PARVA: variants seen among roughly 807,000 people sequenced by gnomAD.
PARVA encodes the protein parvin alpha.
In PARVA, 25 loss-of-function variants were observed where a neutral mutation model predicts 52.6. That is an observed-to-expected ratio of 0.48 (90% CI 0.35 to 0.66). PARVA has a LOEUF of 0.66. Ranked by LOEUF, PARVA falls within the 30% of genes least tolerant of loss-of-function variation. The probability of loss-of-function intolerance (pLI) is 0.01; values close to 1 mark genes in which losing one functional copy is unlikely to be tolerated. For synonymous variants in PARVA, 185 were observed against 179.1 expected, an observed-to-expected ratio of 1.03 and a Z score of -0.26; for missense variants, 373 against 450.9, an observed-to-expected ratio of 0.83 and a Z score of 1.56.
intron 1 of PARVA, among the ~76,000 whole-genome samples, chr11:12,441,842 G>A (rs189711707): frequency 9.9e-5 from 15 of 152,266 alleles, no homozygotes; most frequent in Non-Finnish European, 1.2e-4. Context: ...TTTCCACAAC[G>A]CTGCAGGAAA....
intron 1 of PARVA, among the ~76,000 whole-genome samples, chr11:12,464,519 C>T (rs1940828797): frequency 6.6e-6 from 1 of 152,148 alleles, no homozygotes; most frequent in Admixed American, 6.6e-5. Context: ...TTCCTTTTGC[C>T]TTTGGTCTTA....
intron 1 of PARVA, among the ~76,000 whole-genome samples, chr11:12,439,355 C>T (rs1302639711): frequency 6.6e-6 from 1 of 152,154 alleles, no homozygotes; most frequent in Non-Finnish European, 1.5e-5. Flanking sequence ...AGACACTGTC[C>T]CTTCATTTGC....
At chr11:12,520,040 T>C (rs187356042) in intron 12 of PARVA, among the ~76,000 whole-genome samples, 102 of 152,364 alleles carry the variant, frequency 6.7e-4, no homozygotes, top group African/African-American at 2.4e-3. Flanking sequence ...TGGTTACAGA[T>C]TGGAAGTACT....
intron 5 of PARVA, among the ~76,000 whole-genome samples, chr11:12,502,640 G>C (rs183283050): frequency 6.6e-6 from 1 of 152,050 alleles, no homozygotes; most frequent in African/African-American, 2.4e-5. Context: ...GCATCAGAGA[G>C]AAAACTCCCA....
intron 1 of PARVA, among the ~76,000 whole-genome samples, chr11:12,384,948 C>T (rs952622297): frequency 1.3e-5 from 2 of 152,152 alleles, no homozygotes; most frequent in Non-Finnish European, 2.9e-5. Flanking sequence ...CGTGATCTCA[C>T]TTCTGTTTTA....
At chr11:12,421,804 G>A (rs928473488) in intron 1 of PARVA, among the ~76,000 whole-genome samples, 2 of 152,226 alleles carry the variant, frequency 1.3e-5, no homozygotes, top group South Asian at 4.1e-4. Context: ...AAAGCCAAAA[G>A]GATGCATTCA....
chr11:12,484,337 C>G (rs1941129038), intron 4 of PARVA, among the ~76,000 whole-genome samples: 1 of 152,124 alleles, frequency 6.6e-6, no homozygotes, highest in Non-Finnish European at 1.5e-5. Flanking sequence ...TGTACATGTG[C>G]TGGGAACAGA....
At chr11:12,507,519 GGCCTCTGGAACACATTTGTGCGTCCT>G (rs1352343328) in intron 6 of PARVA, among the ~76,000 whole-genome samples, 1 of 152,112 alleles carries the variant, frequency 6.6e-6, no homozygotes. Flanking sequence ...TCCCCTGGAT[GGCCTCTGGAACACATTTGTGCGTCCT>G]GCCTCTGCCT....
rs908929270 is a variant in PARVA at position 12,413,895 on chromosome 11, T to G, written c.136+36112T>G. 2.0e-4 allele frequency among the ~76,000 whole-genome samples: 30 copies of G among 152,354 alleles called. 1 individual carries two copies. Among genetic ancestry groups the G allele is most frequent in the South Asian group, 2.1e-4 (1 of 4,826 alleles). On this transcript the variant is annotated intron_variant, in intron 1 of 12. Transcript: ENST00000334956. ...GTTTGTAACCAGAGAACAAAGCAGTTTCTGCACAAAACAGTAACTTAAGGA... is the reference window on the plus strand; with the variant it reads ...GTTTGTAACCAGAGAACAAAGCAGTGTCTGCACAAAACAGTAACTTAAGGA...
chr11:12,449,735 G>A (rs1397543417), intron 1 of PARVA, among the ~76,000 whole-genome samples: 1 of 152,170 alleles, frequency 6.6e-6, no homozygotes, highest in Non-Finnish European at 1.5e-5. Context: ...GTGGGAGTGG[G>A]GGATTGCTAC....
At chr11:12,397,440 G>T (rs78888360) in intron 1 of PARVA, among the ~76,000 whole-genome samples, 1 of 152,092 alleles carries the variant, frequency 6.6e-6, no homozygotes, top group Non-Finnish European at 1.5e-5. Flanking sequence ...ATGCCAGTTT[G>T]TCTGCACAAT....
intron 8 of PARVA, among the ~76,000 whole-genome samples, chr11:12,512,308 C>T (rs1941512520): frequency 6.6e-6 from 1 of 152,260 alleles, no homozygotes; most frequent in Non-Finnish European, 1.5e-5. Flanking sequence ...TCCCTCATCA[C>T]AGCTCTTATC....
intron 9 of PARVA, 128 bp from the exon 10 acceptor site, chr11:12,513,869 G>C: frequency 1.2e-6 from 1 of 803,118 alleles, no homozygotes; most frequent in South Asian, 1.6e-5. Context: ...CCTGGGCCCA[G>C]GGCTCTTGGC....
In PARVA at chr11:12,523,619, G is replaced by A. The variant is rs115362911; in HGVS notation, c.1043-4230G>A. On this transcript the variant is annotated intron_variant, in intron 12 of 12. Coordinates refer to ENST00000334956, the MANE Select transcript of PARVA (RefSeq NM_018222.5). ...GATAGAAAGAGTCACTAATACCTCTGGGGGGGAGGAGCAAACAATGAGCCC... is the reference window on the plus strand; with the variant it reads ...GATAGAAAGAGTCACTAATACCTCTAGGGGGGAGGAGCAAACAATGAGCCC... 4.0e-3 allele frequency among the ~76,000 whole-genome samples: 608 copies of A among 152,126 alleles called. 3 individuals carry two copies. Among genetic ancestry groups the A allele is most frequent in the African/African-American group, 0.014 (575 of 41,498 alleles).
intron 1 of PARVA, among the ~76,000 whole-genome samples, chr11:12,454,676 A>C (rs1250578004): frequency 6.6e-6 from 1 of 152,124 alleles, no homozygotes; most frequent in Admixed American, 6.5e-5. Flanking sequence ...AGCAGCCAAC[A>C]ATGATCAATC....
chr11:12,519,261 T>C (rs1239108329), intron 12 of PARVA, among the ~76,000 whole-genome samples: 1 of 152,190 alleles, frequency 6.6e-6, no homozygotes, highest in African/African-American at 2.4e-5. Flanking sequence ...TCTGGTAGTT[T>C]ATAGGCAAGT....
chr11:12,438,895 A>G (rs559618614), intron 1 of PARVA, among the ~76,000 whole-genome samples: 1 of 152,208 alleles, frequency 6.6e-6, no homozygotes, highest in African/African-American at 2.4e-5. Flanking sequence ...GATCAATTCC[A>G]GGAAAATTTG....
intron 1 of PARVA, among the ~76,000 whole-genome samples, chr11:12,441,994 G>A (rs1204383717): frequency 1.3e-5 from 2 of 152,240 alleles, no homozygotes; most frequent in African/African-American, 4.8e-5. Flanking sequence ...CCGACAGGTC[G>A]AAGGATTGTG....
intron 12 of PARVA, among the ~76,000 whole-genome samples, chr11:12,523,337 G>A (rs554171639): frequency 6.6e-6 from 1 of 152,210 alleles, no homozygotes; most frequent in Non-Finnish European, 1.5e-5. Context: ...ACTGATTCCA[G>A]CCCCCACCAG....
Sources: allele counts gnomAD v4.1 joint callset (sites outside exome capture counted in the v4.1 genomes callset), GRCh38; gene constraint gnomAD v4.1.1; transcripts MANE v1.5; gene names NCBI Gene and HGNC (gene_info 2026-07-23, HGNC 2026-07-21).